SPATA6: variants seen among roughly 807,000 people sequenced by gnomAD.
The protein encoded by SPATA6 is spermatogenesis associated 6, also known as spermatogenesis-associated protein 6.
Under a neutral mutation model 65.3 loss-of-function variants are expected in SPATA6, and 56 were observed. The observed-to-expected ratio is 0.86, with a 90% CI of 0.69 to 1.07. SPATA6 has a LOEUF of 1.07. Ranked by LOEUF, SPATA6 falls within the 50% of genes least tolerant of loss-of-function variation. The pLI is 0.00. For synonymous variants in SPATA6, 199 were observed against 213.2 expected, an observed-to-expected ratio of 0.93 and a Z score of 0.58; for missense variants, 590 against 594.8, an observed-to-expected ratio of 0.99 and a Z score of 0.08.
At chr1:48,366,205 A>G (rs962564771) in intron 9 of SPATA6, among the ~76,000 whole-genome samples, 1 of 152,158 alleles carries the variant, frequency 6.6e-6, no homozygotes, top group Non-Finnish European at 1.5e-5. Context: ...CCAGTATTTT[A>G]TTGAGGATTT....
chr1:48,440,464 G>C (rs978584695), intron 3 of SPATA6, among the ~76,000 whole-genome samples: 2 of 152,226 alleles, frequency 1.3e-5, no homozygotes, highest in African/African-American at 4.8e-5. Flanking sequence ...GTAAATGACA[G>C]AATGACAGCT....
At chr1:48,263,829 T>C in the SPATA6 span, among the ~76,000 whole-genome samples, 4 of 152,150 alleles carry the variant, frequency 2.6e-5, no homozygotes, top group Non-Finnish European at 1.5e-5. Context: ...GTTTTTGTTG[T>C]TGTTGTTGTT....
intron 3 of SPATA6, among the ~76,000 whole-genome samples, chr1:48,424,252 T>C (rs1459982325): frequency 6.6e-6 from 1 of 152,218 alleles, no homozygotes; most frequent in Non-Finnish European, 1.5e-5. Context: ...CATGTGATGT[T>C]TGTCTTTCTG....
At chr1:48,340,174 A>G (rs74661340) in intron 11 of SPATA6, among the ~76,000 whole-genome samples, 6,572 of 148,840 alleles carry the variant, frequency 0.044, 405 homozygotes, top group East Asian at 0.17. Context: ...AGAAAAAATT[A>G]CTCACAAATT....
chr1:48,442,313 T>C (rs1336497652), intron 3 of SPATA6, among the ~76,000 whole-genome samples: 2 of 152,116 alleles, frequency 1.3e-5, no homozygotes, highest in East Asian at 3.8e-4. Flanking sequence ...TAATCCTACA[T>C]GCCCATGCTG....
chr1:48,279,856 C>T, the SPATA6 span, among the ~76,000 whole-genome samples: 1 of 152,206 alleles, frequency 6.6e-6, no homozygotes, highest in Admixed American at 6.5e-5. Context: ...AAGAACTCTC[C>T]ACCCCAAATC....
chr1:48,338,511 C>T (rs893871768), intron 11 of SPATA6, among the ~76,000 whole-genome samples: 2 of 152,036 alleles, frequency 1.3e-5, no homozygotes, highest in Non-Finnish European at 2.9e-5. Context: ...AGAACCAAAA[C>T]GTTGATTGCT....
At chr1:48,408,328 C>G (rs779098182) in intron 5 of SPATA6, among the ~76,000 whole-genome samples, 1 of 152,182 alleles carries the variant, frequency 6.6e-6, no homozygotes, top group African/African-American at 2.4e-5. Context: ...CTCAGTTTCT[C>G]TGCATGGAAG....
At chr1:48,444,754 G>A (rs1218131019) in intron 3 of SPATA6, among the ~76,000 whole-genome samples, 3 of 152,134 alleles carry the variant, frequency 2.0e-5, no homozygotes, top group South Asian at 2.1e-4. Context: ...CTTTCGGTCC[G>A]TGCCACCTTT....
chr1:48,455,085 ATTCTGTCCATAAGGTTCAT>A (rs1656898713), intron 1 of SPATA6, among the ~76,000 whole-genome samples: 1 of 152,124 alleles, frequency 6.6e-6, no homozygotes, highest in African/African-American at 2.4e-5. Flanking sequence ...AACAAATCTC[ATTCTGTCCATAAGGTTCAT>A]TTCTTGCTTT....
intron 9 of SPATA6, among the ~76,000 whole-genome samples, chr1:48,372,041 A>G (rs976521861): frequency 3.9e-5 from 6 of 152,170 alleles, no homozygotes; most frequent in Non-Finnish European, 7.3e-5. Context: ...ATGGGAACAC[A>G]GCCAAACCAT....
intron 1 of SPATA6, among the ~76,000 whole-genome samples, chr1:48,465,233 A>G (rs1163639635): frequency 6.6e-6 from 1 of 152,194 alleles, no homozygotes; most frequent in Non-Finnish European, 1.5e-5. Context: ...CCACAATCCA[A>G]GGAATGCCTG....
At chr1:48,428,526 G>T (rs1263389525) in intron 3 of SPATA6, among the ~76,000 whole-genome samples, 1 of 151,970 alleles carries the variant, frequency 6.6e-6, no homozygotes, top group African/African-American at 2.4e-5. Flanking sequence ...TAAGAAACTA[G>T]GGAAAAACAT....
At chr1:48,345,080 C>T (rs186332355) in intron 11 of SPATA6, among the ~76,000 whole-genome samples, 8 of 152,216 alleles carry the variant, frequency 5.3e-5, no homozygotes, top group South Asian at 4.1e-4. Context: ...TTCTTCTCAT[C>T]GCCACCTAGC....
chr1:48,279,948 C>T, the SPATA6 span, among the ~76,000 whole-genome samples: 7 of 152,128 alleles, frequency 4.6e-5, no homozygotes, highest in African/African-American at 1.4e-4. Context: ...CACTCCTCAG[C>T]AAATGTAAAA....
At chr1:48,369,610 G>A (rs548658074) in intron 9 of SPATA6, among the ~76,000 whole-genome samples, 15 of 152,306 alleles carry the variant, frequency 9.8e-5, no homozygotes, top group South Asian at 2.1e-4. Flanking sequence ...CTGGTGTGCC[G>A]TTTTTTAAGC....
intron 3 of SPATA6, among the ~76,000 whole-genome samples, chr1:48,444,938 G>T (rs1470300537): frequency 6.6e-6 from 1 of 151,920 alleles, no homozygotes; most frequent in Non-Finnish European, 1.5e-5. Context: ...GGGGTGCTAG[G>T]GTCCCCTTGA....
intron 10 of SPATA6, among the ~76,000 whole-genome samples, 172 bp downstream of exon 10, chr1:48,359,414 G>T (rs978497446): frequency 1.3e-5 from 2 of 152,152 alleles, no homozygotes; most frequent in Admixed American, 6.6e-5. Flanking sequence ...GTGCTAGGAA[G>T]AAATATCTAA....
chr1:48,319,220 T>C (rs544208807), intron 11 of SPATA6, among the ~76,000 whole-genome samples: 1 of 152,170 alleles, frequency 6.6e-6, no homozygotes, highest in African/African-American at 2.4e-5. Flanking sequence ...ATTTCTGAGA[T>C]ATCCTAAGCA....
Sources: allele counts gnomAD v4.1 joint callset (sites outside exome capture counted in the v4.1 genomes callset), GRCh38; gene constraint gnomAD v4.1.1; transcripts MANE v1.5; gene names NCBI Gene and HGNC (gene_info 2026-07-23, HGNC 2026-07-21).